The following NSL1 variants were observed in gnomAD, a reference collection of about 807,000 sequenced individuals.
The protein encoded by NSL1 is NSL1 component of MIS12 kinetochore complex.
Under a neutral mutation model 25.4 loss-of-function variants are expected in NSL1, and 11 were observed. The ratio of observed to expected loss-of-function variants is 0.43; its 90% CI spans 0.27 to 0.72. The LOEUF (loss-of-function observed/expected upper bound fraction) is 0.72. Ranked by LOEUF, NSL1 falls within the 30% of genes least tolerant of loss-of-function variation. The pLI is 0.19. For missense variants in NSL1, 330 were observed against 342.7 expected (o/e 0.96, Z 0.29); for synonymous variants, 118 against 120.6 (o/e 0.98, Z 0.14).
At chr1:212,776,254 T>C (rs1010300816) in intron 4 of NSL1, among the ~76,000 whole-genome samples, 20 of 152,036 alleles carry the variant, frequency 1.3e-4, no homozygotes, top group African/African-American at 4.6e-4. Flanking sequence ...TCCCAGCTAC[T>C]TGGGAGGCTG....
At chr1:212,779,387 G>T (rs1300020960) in intron 4 of NSL1, among the ~76,000 whole-genome samples, 1 of 141,168 alleles carries the variant, frequency 7.1e-6, no homozygotes, top group Non-Finnish European at 1.6e-5. Context: ...AGGTGGGGGG[G>T]TCAGCCCCCC....
intron 4 of NSL1, among the ~76,000 whole-genome samples, chr1:212,779,381 G>T (rs1423141072): frequency 7.4e-6 from 1 of 135,784 alleles, no homozygotes; most frequent in African/African-American, 2.9e-5. Context: ...AGAGGGAGGT[G>T]GGGGGGTCAG....
rs1658283664 is a variant in NSL1, at chr1:212,737,583, A to G, written c.*825T>C. ...TATACCTGATATATAAACATCTTCA[A>G]ATGTGAAATAGTTCAATAACACAAT... On this transcript the variant is annotated 3_prime_UTR_variant, in exon 6 of 6. Coordinates refer to ENST00000366977, the MANE Select transcript of NSL1 (RefSeq NM_015471.4). The G allele has an allele frequency of 1.0e-6, 1 of 970,662 alleles. No homozygotes were observed. Among genetic ancestry groups the G allele is most frequent in the Admixed American group, 6.2e-5 (1 of 16,258 alleles). 60.1% of individuals were successfully genotyped at this position (970,662 alleles called of 1,614,324 possible). A position where few individuals can be genotyped will look rare whatever the true frequency, so the allele number is the denominator to read the frequency against.
intron 4 of NSL1, among the ~76,000 whole-genome samples, chr1:212,781,489 A>G (rs73083727): frequency 0.2 from 31,077 of 152,110 alleles, 4,000 homozygotes; most frequent in African/African-American, 0.37. Flanking sequence ...GTCAAACACA[A>G]TAAGTGATGT....
rs919347214 is a variant in NSL1 at position 212,727,154 on chromosome 1, T to G, written c.*11254A>C. ...ATCCCCTTCTCTCCTAAACTGCCCC[T>G]AGAGCTAGTCCACCAGGCTTGGCTC... On this transcript the variant is annotated 3_prime_UTR_variant, in exon 6 of 6. Coordinates refer to ENST00000366977, the MANE Select transcript of NSL1 (RefSeq NM_015471.4). The G allele has an allele frequency of 2.5e-6, 4 of 1,576,086 alleles. No homozygotes were observed. The African/African-American group carries it at 5.5e-5, about 21-fold the overall frequency.
At chr1:212,785,076 C>G (rs1325779167) in intron 2 of NSL1, among the ~76,000 whole-genome samples, 1 of 152,006 alleles carries the variant, frequency 6.6e-6, no homozygotes, top group East Asian at 1.9e-4. Context: ...TATATAAGAA[C>G]CAGGCTGTAA....
At chr1:212,786,581 G>C (rs1007055460) in intron 2 of NSL1, among the ~76,000 whole-genome samples, 1 of 152,154 alleles carries the variant, frequency 6.6e-6, no homozygotes, top group Non-Finnish European at 1.5e-5. Flanking sequence ...GCCAAGGCAG[G>C]CAGATCACCT....
chr1:212,749,010 A>T (rs539642176), intron 4 of NSL1, among the ~76,000 whole-genome samples: 54 of 152,326 alleles, frequency 3.5e-4, no homozygotes, highest in African/African-American at 1.3e-3. Context: ...GTATTAAAAA[A>T]ATATAATCAA....
At chr1:212,745,631 C>T (rs1658755357) in intron 4 of NSL1, among the ~76,000 whole-genome samples, 1 of 151,924 alleles carries the variant, frequency 6.6e-6, no homozygotes. Context: ...AAATATCCTT[C>T]AAAAATGAAG....
At position 212,791,570 on chromosome 1, in the gene NSL1, G is replaced by A. The variant is rs754592059; in HGVS notation, c.194C>T (p.Pro65Leu). Residue 65 changes from proline to leucine, a missense_variant, in exon 1 of 6, where the codon CCG (proline) becomes CTG (leucine). Physicochemically the swap from Pro to Leu is moderately conservative, Grantham distance 98. Transcript: ENST00000366977. Reference sequence around the variant, plus strand: ...CAGAGCGGGCTCCCGAATCTCCTCCGGCAGAGCGTCCCCGAGCTTTTGCAC... The same window carrying A: ...CAGAGCGGGCTCCCGAATCTCCTCCAGCAGAGCGTCCCCGAGCTTTTGCAC... ...RFVQKLGDAL[P>L]EEIREPALRD... 1 of 1,613,842 alleles carries A rather than the reference G, an allele frequency of 6.2e-7. No individual in the cohort carries two copies. The highest frequency in any genetic ancestry group is 1.7e-4 in the Middle Eastern group (1 of 6,060).
intron 4 of NSL1, among the ~76,000 whole-genome samples, chr1:212,781,033 TG>T (rs1169908453): frequency 6.6e-6 from 1 of 152,184 alleles, no homozygotes; most frequent in Non-Finnish European, 1.5e-5. Flanking sequence ...AGCTAATAAC[TG>T]TAGGCTAATT....
chr1:212,780,500 TAAA>T (rs1285748863), intron 4 of NSL1, among the ~76,000 whole-genome samples: 1 of 80,456 alleles, frequency 1.2e-5, no homozygotes, highest in Non-Finnish European at 2.7e-5. Flanking sequence ...GAATGATCAA[TAAA>T]AAAAAAAAAA....
chr1:212,759,791 C>T (rs1218923574), intron 4 of NSL1, among the ~76,000 whole-genome samples: 3 of 152,140 alleles, frequency 2.0e-5, no homozygotes, highest in Admixed American at 6.5e-5. Context: ...GTCCCCGGCA[C>T]TCTAGCCTAC....
Position 212,728,257 on chromosome 1 carries a change from G to T in NSL1, c.*10151C>A, listed in dbSNP as rs1049384633. On this transcript the variant is annotated 3_prime_UTR_variant, in exon 6 of 6. Transcript: ENST00000366977. ...TGATATTACCTTCAGCAAATAAGTT[G>T]ATAACATTATATATGTAAACATTTA... 1.0e-6 allele frequency: 1 copy of T among 965,782 alleles called. No homozygotes were observed. Among genetic ancestry groups the T allele is most frequent in the Non-Finnish European group, 1.2e-6 (1 of 812,174 alleles). 59.8% of individuals were successfully genotyped at this position (965,782 alleles called of 1,614,324 possible).
chr1:212,762,615 G>A (rs770121724), intron 4 of NSL1, among the ~76,000 whole-genome samples: 3 of 152,138 alleles, frequency 2.0e-5, no homozygotes, highest in Non-Finnish European at 4.4e-5. Flanking sequence ...GCATGAGACA[G>A]GTGAAAAACT....
At chr1:212,786,745 T>C (rs1425880248) in intron 2 of NSL1, among the ~76,000 whole-genome samples, 1 of 151,424 alleles carries the variant, frequency 6.6e-6, no homozygotes, top group Non-Finnish European at 1.5e-5. Flanking sequence ...GAGGTGGAGG[T>C]TGCAGTGAGC....
rs1372057480 is a variant in NSL1, at chr1:212,727,720, T to C, written c.*10688A>G. The C allele has an allele frequency of 2.0e-6, 2 of 985,040 alleles. No individual in the cohort carries two copies. The highest frequency in any genetic ancestry group is 2.4e-6 in the Non-Finnish European group (2 of 829,550). 61.0% of individuals were successfully genotyped at this position (985,040 alleles called of 1,614,324 possible). A position where few individuals can be genotyped will look rare whatever the true frequency, so the allele number is the denominator to read the frequency against. On this transcript the variant is annotated 3_prime_UTR_variant, in exon 6 of 6. Transcript: ENST00000366977. ...AAGAATGACTAGCTATGATGATTTATATTTCCCAAGAAATTAACAGCAAAA... is the reference window on the plus strand; with the variant it reads ...AAGAATGACTAGCTATGATGATTTACATTTCCCAAGAAATTAACAGCAAAA...
intron 4 of NSL1, among the ~76,000 whole-genome samples, chr1:212,762,124 C>A (rs1357046581): frequency 6.6e-6 from 1 of 151,662 alleles, no homozygotes; most frequent in Non-Finnish European, 1.5e-5. Context: ...ATGGTGAAAC[C>A]ATGTCTCTAC....
At chr1:212,774,937 G>A (rs1660287378) in intron 4 of NSL1, among the ~76,000 whole-genome samples, 1 of 152,200 alleles carries the variant, frequency 6.6e-6, no homozygotes, top group Non-Finnish European at 1.5e-5. Flanking sequence ...TGAGTAAAAT[G>A]TCTGTACATT....
Sources: allele counts gnomAD v4.1 joint callset (sites outside exome capture counted in the v4.1 genomes callset), GRCh38; gene constraint gnomAD v4.1.1; transcripts MANE v1.5; gene names NCBI Gene and HGNC (gene_info 2026-07-23, HGNC 2026-07-21).